Variants in ST6GAL1 observed in about 807,000 individuals in gnomAD.
ST6GAL1 encodes beta-galactoside alpha-2,6-sialyltransferase 1.
In ST6GAL1, 20 loss-of-function variants were observed where a neutral mutation model predicts 38.0. That is an observed-to-expected ratio of 0.53 (90% CI 0.37 to 0.77). The LOEUF (loss-of-function observed/expected upper bound fraction) is 0.77, where lower values mean the gene tolerates loss of function less well. ST6GAL1 is among the 30% of genes least tolerant of loss of function. The pLI is 0.00. For missense variants in ST6GAL1, 432 were observed against 496.4 expected (o/e 0.87, Z 1.23); for synonymous variants, 196 against 188.2 (o/e 1.04, Z -0.34).
intron 5 of ST6GAL1, among the ~76,000 whole-genome samples, chr3:187,068,638 A>G (rs966386063): frequency 6.6e-6 from 1 of 152,206 alleles, no homozygotes; most frequent in Non-Finnish European, 1.5e-5. Context: ...GAGGACGGTG[A>G]AGCCACAGCT....
At chr3:186,939,475 C>A (rs568537304) in intron 1 of ST6GAL1, among the ~76,000 whole-genome samples, 3 of 152,212 alleles carry the variant, frequency 2.0e-5, no homozygotes, top group Middle Eastern at 3.4e-3. Flanking sequence ...GTCAGGAAAC[C>A]TGATTTCAAA....
chr3:186,967,184 G>GC (rs1715163245), intron 2 of ST6GAL1, among the ~76,000 whole-genome samples: 1 of 152,136 alleles, frequency 6.6e-6, no homozygotes, highest in African/African-American at 2.4e-5. Flanking sequence ...CTGAAGAGGT[G>GC]TTTTTTTGTT....
At chr3:186,985,267 A>G (rs1715871971) in intron 2 of ST6GAL1, among the ~76,000 whole-genome samples, 1 of 152,038 alleles carries the variant, frequency 6.6e-6, no homozygotes, top group African/African-American at 2.4e-5. Context: ...CTTTTAAGAT[A>G]CCAAATAATT....
chr3:187,016,807 C>T (rs1717131107), intron 2 of ST6GAL1, among the ~76,000 whole-genome samples: 1 of 152,202 alleles, frequency 6.6e-6, no homozygotes, highest in South Asian at 2.1e-4. Context: ...AGGGTAGCAG[C>T]CCCTTTGCCC....
intron 1 of ST6GAL1, among the ~76,000 whole-genome samples, chr3:186,937,080 TTC>T (rs1249608496): frequency 2.0e-5 from 3 of 152,006 alleles, no homozygotes; most frequent in Non-Finnish European, 4.4e-5. Flanking sequence ...ATTTTCCTTC[TTC>T]TTTTTTTTTT....
intron 2 of ST6GAL1, among the ~76,000 whole-genome samples, chr3:186,965,700 A>G (rs1248940205): frequency 2.0e-5 from 3 of 152,156 alleles, no homozygotes; most frequent in African/African-American, 7.2e-5. Context: ...ACTGCTCAGG[A>G]GGCCGCCTCC....
intron 2 of ST6GAL1, among the ~76,000 whole-genome samples, chr3:187,020,960 G>GT (rs972302202): frequency 2.9e-4 from 38 of 129,554 alleles, no homozygotes; most frequent in African/African-American, 8.1e-5. Context: ...ATGTATTGGT[G>GT]GTTTTTTTTT....
chr3:187,023,862 T>C (rs958373868), intron 2 of ST6GAL1, among the ~76,000 whole-genome samples: 1 of 150,786 alleles, frequency 6.6e-6, no homozygotes, highest in Non-Finnish European at 1.5e-5. Flanking sequence ...TGTGCACATG[T>C]ACCCTAAAAC....
Position 186,952,591 on chromosome 3 carries a change from G to A in ST6GAL1, c.-324-11194G>A, listed in dbSNP as rs919995250. On this transcript the variant is annotated intron_variant, in intron 1 of 7. Transcript: ENST00000169298. The surrounding 1 kb of genome is among the most constrained non-coding windows in gnomAD (Gnocchi z 4.1). ...GCGATCTCAGCTCACTGCAACCTCC[G>A]CCTCCCGGGTTCAAGCGCTTCTCTG... Among the ~76,000 whole-genome samples the A allele has an allele frequency of 4.0e-5, 6 of 151,852 alleles. No individual in the cohort carries two copies. Among genetic ancestry groups the A allele is most frequent in the African/African-American group, 2.4e-5 (1 of 41,336 alleles).
intron 2 of ST6GAL1, among the ~76,000 whole-genome samples, chr3:187,013,167 C>G (rs148747392): frequency 6.6e-6 from 1 of 152,304 alleles, no homozygotes; most frequent in Non-Finnish European, 1.5e-5. Flanking sequence ...AAAATGGGAG[C>G]TGACTTAATC....
chr3:187,022,166 C>G (rs1432720777), intron 2 of ST6GAL1, among the ~76,000 whole-genome samples: 1 of 152,136 alleles, frequency 6.6e-6, no homozygotes, highest in Non-Finnish European at 1.5e-5. Context: ...AGCCCTCAAT[C>G]TGTAGGATCT....
intron 1 of ST6GAL1, among the ~76,000 whole-genome samples, chr3:186,947,841 G>T (rs936459001): frequency 6.6e-6 from 1 of 152,224 alleles, no homozygotes; most frequent in African/African-American, 2.4e-5. Flanking sequence ...AGAAGGGTTT[G>T]TTATTGCGGA....
intron 3 of ST6GAL1, among the ~76,000 whole-genome samples, chr3:187,040,923 A>G (rs559847537): frequency 1.8e-4 from 28 of 152,294 alleles, no homozygotes; most frequent in African/African-American, 6.5e-4. Context: ...GGTACTGCCA[A>G]TGGATTCCAG....
intron 2 of ST6GAL1, among the ~76,000 whole-genome samples, chr3:186,977,658 C>G (rs1173251158): frequency 6.6e-6 from 1 of 152,190 alleles, no homozygotes; most frequent in East Asian, 1.9e-4. Flanking sequence ...ACACAGCCGT[C>G]CTCTGAGCGC....
intron 5 of ST6GAL1, among the ~76,000 whole-genome samples, chr3:187,061,575 T>A (rs1718916365): frequency 1.3e-5 from 2 of 152,186 alleles, no homozygotes; most frequent in Non-Finnish European, 1.5e-5. Context: ...TGTATATATG[T>A]GTAAATGATT....
chr3:186,959,688 T>C lies in ST6GAL1; in HGVS notation c.-324-4097T>C, dbSNP rs542419187. Among the ~76,000 whole-genome samples, 9 of 152,314 alleles carry C rather than the reference T, an allele frequency of 5.9e-5. No homozygotes were observed. The South Asian group carries it at 1.9e-3, about 32-fold the overall frequency. On this transcript the variant is annotated intron_variant, in intron 1 of 7. Transcript: ENST00000169298. ...AATAATCCGGAAAGTCTCCTTATCT[T>C]AGCAGACGTTCTTACTGTGTTTTGG...
At chr3:186,974,158 C>G (rs1200176791) in intron 2 of ST6GAL1, among the ~76,000 whole-genome samples, 2 of 152,182 alleles carry the variant, frequency 1.3e-5, no homozygotes, top group Admixed American at 6.5e-5. Flanking sequence ...GTGGAAGATT[C>G]AGTAGGATCA....
Position 187,059,243 on chromosome 3 carries a change from G to A in ST6GAL1, c.705+7897G>A, listed in dbSNP as rs563798306. On this transcript the variant is annotated intron_variant, in intron 5 of 7. Coordinates refer to ENST00000169298, the MANE Select transcript of ST6GAL1 (RefSeq NM_173216.2). ...TCAGATACCCCTGGCTAAGTTGGAG[G>A]TGGAGGTGTAGAAGAATTGGCTGGC... Among the ~76,000 whole-genome samples the A allele has an allele frequency of 2.3e-4, 35 of 152,296 alleles. No homozygotes were observed. The South Asian group carries it at 7.0e-3, about 31-fold the overall frequency.
intron 2 of ST6GAL1, among the ~76,000 whole-genome samples, chr3:186,988,312 G>T (rs376392338): frequency 6.6e-6 from 1 of 152,002 alleles, no homozygotes; most frequent in Non-Finnish European, 1.5e-5. Context: ...TTGGTCATGG[G>T]GATAATGCTT....
Sources: allele counts gnomAD v4.1 joint callset (sites outside exome capture counted in the v4.1 genomes callset), GRCh38; gene constraint gnomAD v4.1.1; non-coding constraint Gnocchi (gnomAD v3.1); transcripts MANE v1.5; gene names NCBI Gene and HGNC (gene_info 2026-07-23, HGNC 2026-07-21).